The following NTNG1 variants were observed in gnomAD, a reference collection of about 807,000 sequenced individuals.
NTNG1 encodes netrin G1, also known as netrin-G1.
A neutral mutation model predicts 54.0 loss-of-function variants in NTNG1; 16 were observed. That is an observed-to-expected ratio of 0.30 (90% CI 0.20 to 0.45). The LOEUF (loss-of-function observed/expected upper bound fraction) is 0.45. Among genes scored for constraint, NTNG1 ranks in the 20% least tolerant of loss-of-function variants. The pLI, the probability that NTNG1 is intolerant of heterozygous loss-of-function variation, is 1.00. For synonymous variants in NTNG1, 255 were observed against 263.1 expected (o/e 0.97, Z 0.30); for missense variants, 530 against 678.7 (o/e 0.78, Z 2.43).
At chr1:107,261,315 A>G (rs553335135) in intron 2 of NTNG1, among the ~76,000 whole-genome samples, 153 of 152,222 alleles carry the variant, frequency 1.0e-3, no homozygotes, top group Non-Finnish European at 1.4e-3. Context: ...ACTATGATAA[A>G]TGCTTTGTAA....
chr1:107,175,634 A>G (rs1046793907), intron 2 of NTNG1, among the ~76,000 whole-genome samples: 5 of 151,942 alleles, frequency 3.3e-5, no homozygotes, highest in African/African-American at 7.3e-5. Context: ...AAGAAAGGCA[A>G]GTTACAAGAC....
rs115263994 is a variant in NTNG1, at chr1:107,247,927, T to C, written c.247-76355T>C. ...GGTGCTGCACAGATGAGGTGAAAAG[T>C]GGATGGAGAGGCTCAGACTCACCAA... On this transcript the variant is annotated intron_variant, in intron 2 of 7. Transcript: ENST00000370068. Among the ~76,000 whole-genome samples, 1,063 of 152,280 alleles carry C rather than the reference T, an allele frequency of 7.0e-3. 17 individuals carry two copies. Among genetic ancestry groups the C allele is most frequent in the African/African-American group, 0.025 (1,022 of 41,546 alleles).
chr1:107,250,421 T>A (rs1662510483), intron 2 of NTNG1, among the ~76,000 whole-genome samples: 1 of 152,138 alleles, frequency 6.6e-6, no homozygotes, highest in African/African-American at 2.4e-5. Flanking sequence ...CCTTCAGGAA[T>A]GCTCTCAAGA....
chr1:107,248,036 G>A (rs1240243813), intron 2 of NTNG1, among the ~76,000 whole-genome samples: 2 of 152,202 alleles, frequency 1.3e-5, no homozygotes, highest in Non-Finnish European at 1.5e-5. Context: ...TGCCACGGTA[G>A]TAGACTTTTT....
chr1:107,236,059 C>T (rs1228113478), intron 2 of NTNG1, among the ~76,000 whole-genome samples: 1 of 152,154 alleles, frequency 6.6e-6, no homozygotes, highest in Non-Finnish European at 1.5e-5. Context: ...ATGCATTTTA[C>T]ACATGTGTGC....
intron 2 of NTNG1, among the ~76,000 whole-genome samples, chr1:107,261,204 T>C (rs932454535): frequency 6.6e-6 from 1 of 152,206 alleles, no homozygotes; most frequent in Non-Finnish European, 1.5e-5. Context: ...ACTGGAGATA[T>C]GAAAATGAAC....
At chr1:107,265,313 A>T (rs1663659121) in intron 2 of NTNG1, among the ~76,000 whole-genome samples, 1 of 151,114 alleles carries the variant, frequency 6.6e-6, no homozygotes, top group East Asian at 1.9e-4. Flanking sequence ...AGGCTCTATA[A>T]ATTACTTTGC....
chr1:107,188,381 C>G (rs945983655), intron 2 of NTNG1, among the ~76,000 whole-genome samples: 5 of 152,052 alleles, frequency 3.3e-5, no homozygotes, highest in Admixed American at 3.3e-4. Context: ...TATACCTTGG[C>G]CCCAGATGCT....
chr1:107,376,324 C>G (rs1354778665), intron 3 of NTNG1, among the ~76,000 whole-genome samples: 1 of 151,710 alleles, frequency 6.6e-6, no homozygotes, highest in South Asian at 2.1e-4. Context: ...ATGGGAATGG[C>G]GTGAACCCGG....
chr1:107,300,169 G>A (rs911798778), intron 2 of NTNG1, among the ~76,000 whole-genome samples: 3 of 152,124 alleles, frequency 2.0e-5, no homozygotes, highest in African/African-American at 4.8e-5. Context: ...TTAAACGCAC[G>A]TACTGACGCT....
At chr1:107,401,686 T>C (rs1275101547) in intron 4 of NTNG1, among the ~76,000 whole-genome samples, 1 of 130,244 alleles carries the variant, frequency 7.7e-6, no homozygotes, top group Non-Finnish European at 1.7e-5. Flanking sequence ...TTAATTTTCA[T>C]AGTTTTTTTT....
intron 2 of NTNG1, among the ~76,000 whole-genome samples, chr1:107,233,579 C>T (rs1362421881): frequency 6.6e-6 from 1 of 152,134 alleles, no homozygotes; most frequent in African/African-American, 2.4e-5. Flanking sequence ...GGAAAACATT[C>T]AGCATGGTGG....
intron 2 of NTNG1, among the ~76,000 whole-genome samples, chr1:107,165,034 C>A (rs1352657568): frequency 1.3e-5 from 2 of 151,844 alleles, no homozygotes; most frequent in African/African-American, 4.8e-5. Flanking sequence ...AGTAGTTTGG[C>A]GGGAAGGGCG....
At chr1:107,453,081 A>G (rs1676717853) in intron 7 of NTNG1, among the ~76,000 whole-genome samples, 1 of 152,190 alleles carries the variant, frequency 6.6e-6, no homozygotes, top group Admixed American at 6.5e-5. Flanking sequence ...TACTTTCCTG[A>G]ATGTTCAGTG....
At chr1:107,240,033 CAT>C (rs753592278) in intron 2 of NTNG1, among the ~76,000 whole-genome samples, 1 of 152,098 alleles carries the variant, frequency 6.6e-6, no homozygotes, top group African/African-American at 2.4e-5. Flanking sequence ...ACATCACAGA[CAT>C]AGAACATTTC....
At chr1:107,402,129 G>T (rs1426821737) in intron 4 of NTNG1, among the ~76,000 whole-genome samples, 5 of 152,110 alleles carry the variant, frequency 3.3e-5, no homozygotes, top group Non-Finnish European at 7.4e-5. Flanking sequence ...AACTGTCATG[G>T]TGTTCAGATT....
rs147279768 is a variant in NTNG1 at position 107,393,241 on chromosome 1, C to T, written c.888-1913C>T. 4.4e-3 allele frequency among the ~76,000 whole-genome samples: 673 copies of T among 152,264 alleles called. 1 individual carries two copies. The highest frequency in any genetic ancestry group is 6.9e-3 in the Non-Finnish European group (472 of 68,002). On this transcript the variant is annotated intron_variant, in intron 3 of 7. Coordinates refer to ENST00000370068, the MANE Select transcript of NTNG1 (RefSeq NM_001113226.3). ...TTGGGATCACATTGTTCAATTTCCT[C>T]ATTTGGAATTTTTAACACCAGATAT... is the stretch of plus-strand genomic sequence containing the variant.
chr1:107,177,225 C>T (rs981467177), intron 2 of NTNG1, among the ~76,000 whole-genome samples: 12 of 152,136 alleles, frequency 7.9e-5, no homozygotes, highest in African/African-American at 2.9e-4. Context: ...ATTTAAGTTT[C>T]ATTTGTAGCA....
rs374109804 is a variant in NTNG1, at chr1:107,259,188, G to C, written c.247-65094G>C. On this transcript the variant is annotated intron_variant, in intron 2 of 7. Coordinates refer to ENST00000370068, the MANE Select transcript of NTNG1 (RefSeq NM_001113226.3). ...TATTCCAATTTTCTTTTCTATTTTT[G>C]TGCTATGTTTTTTTCCAGTATATTT... 3.3e-4 allele frequency among the ~76,000 whole-genome samples: 50 copies of C among 152,116 alleles called. 2 individuals are homozygous for C. In the South Asian group the frequency reaches 0.01, roughly 32 times the overall value.
Sources: allele counts gnomAD v4.1 joint callset (sites outside exome capture counted in the v4.1 genomes callset), GRCh38; gene constraint gnomAD v4.1.1; transcripts MANE v1.5; gene names NCBI Gene and HGNC (gene_info 2026-07-23, HGNC 2026-07-21).